MYO18B: variants seen among roughly 807,000 people sequenced by gnomAD.
MYO18B encodes unconventional myosin-XVIIIb.
Under a neutral mutation model 273.0 loss-of-function variants are expected in MYO18B, and 204 were observed. The observed-to-expected ratio is 0.75, with a 90% CI of 0.67 to 0.84. MYO18B has a LOEUF of 0.84. Among genes scored for constraint, MYO18B ranks in the 40% least tolerant of loss-of-function variants. The probability of loss-of-function intolerance (pLI) is 0.00; values close to 1 mark genes in which losing one functional copy is unlikely to be tolerated. For synonymous variants in MYO18B, 1,330 were observed against 1,305.7 expected, an observed-to-expected ratio of 1.02 and a Z score of -0.40; for missense variants, 3,212 against 3,287.6, an observed-to-expected ratio of 0.98 and a Z score of 0.56.
intron 42 of MYO18B, among the ~76,000 whole-genome samples, chr22:26,023,300 T>C (rs184642703): frequency 3.9e-5 from 6 of 152,332 alleles, no homozygotes; most frequent in African/African-American, 7.2e-5. Context: ...TCTACCTTGA[T>C]TGAATTCGAC....
rs182922434 is a variant in MYO18B, at chr22:25,759,460, G to T, written c.-109-1524G>T. Reference sequence around the variant, plus strand: ...ACTGCACGTTCTCACTCAAATAGGAGTTGAACAATGAGAACACATGGACAC... The same window carrying T: ...ACTGCACGTTCTCACTCAAATAGGATTTGAACAATGAGAACACATGGACAC... On this transcript the variant is annotated intron_variant, in intron 1 of 43. Transcript: ENST00000335473. Among the ~76,000 whole-genome samples, 1,094 of 151,806 alleles carry T rather than the reference G, an allele frequency of 7.2e-3. 10 individuals are homozygous for T. The highest frequency in any genetic ancestry group is 0.025 in the South Asian group (118 of 4,802).
chr22:25,951,580 C>A (rs1321608219), intron 37 of MYO18B, among the ~76,000 whole-genome samples: 1 of 152,214 alleles, frequency 6.6e-6, no homozygotes, highest in African/African-American at 2.4e-5. Context: ...CGAAATCTTC[C>A]TTTGAAGTCA....
chr22:26,004,764 T>C lies in MYO18B; in HGVS notation c.6379T>C (p.Ser2127Pro), dbSNP rs1456090529. 1 of 1,613,906 alleles carries C rather than the reference T, an allele frequency of 6.2e-7. No homozygotes were observed. The highest frequency in any genetic ancestry group is 8.5e-7 in the Non-Finnish European group (1 of 1,179,804). Residue 2127 changes from serine to proline, a missense_variant, in exon 42 of 44, where the codon TCC (serine) becomes CCC (proline). Physicochemically the swap from Ser to Pro is moderately conservative, Grantham distance 74. Coordinates refer to ENST00000335473, the MANE Select transcript of MYO18B (RefSeq NM_032608.7). ...CTCCCAGCCAGAGGGCAGCCTGCAG[T>C]CCTGGTTGAGCTGTACTCTGTCCCT... ...LSSQPEGSLQ[S>P]WLSCTLSLAT...
chr22:25,792,236 C>G (rs2087695041), intron 11 of MYO18B, among the ~76,000 whole-genome samples: 1 of 152,226 alleles, frequency 6.6e-6, no homozygotes. Context: ...ATTGCCTCCT[C>G]TGTTGGTTGG....
At chr22:25,884,104 C>T (rs1210123299) in intron 25 of MYO18B, among the ~76,000 whole-genome samples, 2 of 152,162 alleles carry the variant, frequency 1.3e-5, no homozygotes, top group African/African-American at 4.8e-5. Flanking sequence ...CATTTCTGGC[C>T]TCATTAGCCT....
At chr22:26,000,781 A>G (rs1344908378) in intron 40 of MYO18B, among the ~76,000 whole-genome samples, 1 of 152,176 alleles carries the variant, frequency 6.6e-6, no homozygotes, top group East Asian at 1.9e-4. Flanking sequence ...CATGGGGTCC[A>G]GGTCAGATAT....
intron 12 of MYO18B, among the ~76,000 whole-genome samples, chr22:25,815,895 T>C (rs574940755): frequency 6.6e-6 from 1 of 152,348 alleles, no homozygotes; most frequent in Non-Finnish European, 1.5e-5. Context: ...ATGGTTTGTG[T>C]GCTGTGTTCT....
chr22:26,017,905 C>T (rs1002579884), intron 42 of MYO18B, among the ~76,000 whole-genome samples: 1 of 151,108 alleles, frequency 6.6e-6, no homozygotes, highest in Non-Finnish European at 1.5e-5. Flanking sequence ...TGCATTACTC[C>T]TCCATCTCTT....
At chr22:25,787,874 T>G (rs1252777041) in intron 11 of MYO18B, among the ~76,000 whole-genome samples, 1 of 152,142 alleles carries the variant, frequency 6.6e-6, no homozygotes, top group Non-Finnish European at 1.5e-5. Flanking sequence ...AGCACTGATT[T>G]TTCTCATTCA....
At chr22:25,865,704 G>A (rs183070287) in intron 21 of MYO18B, among the ~76,000 whole-genome samples, 17 of 152,236 alleles carry the variant, frequency 1.1e-4, no homozygotes, top group Non-Finnish European at 2.4e-4. Flanking sequence ...ACCAAGATCT[G>A]AACCCAGATG....
At chr22:25,924,234 C>G (rs1245904936) in intron 34 of MYO18B, among the ~76,000 whole-genome samples, 1 of 152,230 alleles carries the variant, frequency 6.6e-6, no homozygotes, top group African/African-American at 2.4e-5. Context: ...AGTATTTGTC[C>G]TTTGCCTGAA....
rs1047600673 is a variant in MYO18B at position 25,757,586 on chromosome 22, CA to C, written c.-109-3386del. Among the ~76,000 whole-genome samples the C allele has an allele frequency of 8.3e-3, 1,136 of 137,278 alleles. 14 individuals carry two copies. Among genetic ancestry groups the C allele is most frequent in the African/African-American group, 0.022 (834 of 37,290 alleles). 90.1% of individuals were successfully genotyped at this position (137,278 alleles called of 152,430 possible). On this transcript the variant is annotated intron_variant, in intron 1 of 43. Coordinates refer to ENST00000335473, the MANE Select transcript of MYO18B (RefSeq NM_032608.7). ...TGGGCAACAGAGCAAGACTGCATAT[CA>C]AAAAAAAAAAAGCCAACAAAAAAAT...
chr22:25,928,536 C>A (rs1164415225), intron 34 of MYO18B, among the ~76,000 whole-genome samples: 1 of 152,118 alleles, frequency 6.6e-6, no homozygotes, highest in Admixed American at 6.5e-5. Context: ...GCAGGCACCC[C>A]CTCTGTTCAT....
intron 7 of MYO18B, among the ~76,000 whole-genome samples, chr22:25,774,996 C>T (rs1259740165): frequency 6.6e-6 from 1 of 152,242 alleles, no homozygotes; most frequent in African/African-American, 2.4e-5. Context: ...GATGCAAAGG[C>T]ATGTGTGCAT....
At chr22:25,827,019 G>A (rs767300657) in intron 14 of MYO18B, among the ~76,000 whole-genome samples, 3 of 152,132 alleles carry the variant, frequency 2.0e-5, no homozygotes, top group Admixed American at 6.5e-5. Flanking sequence ...CCGAGATCGC[G>A]CCACCACACT....
intron 39 of MYO18B, among the ~76,000 whole-genome samples, chr22:25,965,893 T>C (rs1441026443): frequency 6.6e-6 from 1 of 152,204 alleles, no homozygotes; most frequent in Admixed American, 6.5e-5. Context: ...CTTGGGGTGG[T>C]GTCCCCATAC....
chr22:25,889,380 A>G (rs2091594587), intron 25 of MYO18B, among the ~76,000 whole-genome samples: 1 of 152,264 alleles, frequency 6.6e-6, no homozygotes, highest in South Asian at 2.1e-4. Context: ...AGAGGGTCCG[A>G]TGAAAGAGTG....
chr22:25,889,688 G>A (rs1005084279), intron 25 of MYO18B, among the ~76,000 whole-genome samples: 8 of 150,784 alleles, frequency 5.3e-5, no homozygotes, highest in Admixed American at 2.0e-4. Flanking sequence ...CTCCCGTTAC[G>A]TACTCTGCCA....
chr22:25,895,413 C>T, intron 28 of MYO18B, 133 bp downstream of exon 28: 1 of 1,016,188 alleles, frequency 9.8e-7, no homozygotes, highest in South Asian at 1.7e-5. Flanking sequence ...AAGGTTTTTC[C>T]ATCTCCACTA....
Sources: allele counts gnomAD v4.1 joint callset (sites outside exome capture counted in the v4.1 genomes callset), GRCh38; gene constraint gnomAD v4.1.1; transcripts MANE v1.5; gene names NCBI Gene and HGNC (gene_info 2026-07-23, HGNC 2026-07-21).